The following FSTL5 variants were observed in gnomAD, a reference collection of about 807,000 sequenced individuals.
FSTL5 encodes follistatin-related protein 5.
Under a neutral mutation model 89.1 loss-of-function variants are expected in FSTL5, and 62 were observed. The ratio of observed to expected loss-of-function variants is 0.70; its 90% CI spans 0.57 to 0.86. The LOEUF (loss-of-function observed/expected upper bound fraction) is 0.86. Among genes scored for constraint, FSTL5 ranks in the 40% least tolerant of loss-of-function variants. The pLI is 0.00. For missense variants in FSTL5, 1,057 were observed against 1,001.6 expected, an observed-to-expected ratio of 1.06 and a Z score of -0.75; for synonymous variants, 383 against 346.2, an observed-to-expected ratio of 1.11 and a Z score of -1.18.
intron 2 of FSTL5, among the ~76,000 whole-genome samples, chr4:162,069,936 C>T (rs780596934): frequency 6.6e-6 from 1 of 151,742 alleles, no homozygotes; most frequent in Non-Finnish European, 1.5e-5. Context: ...TATCATATTC[C>T]TATACTAATT....
At chr4:161,929,608 C>T (rs1056974910) in intron 3 of FSTL5, among the ~76,000 whole-genome samples, 1 of 150,378 alleles carries the variant, frequency 6.6e-6, no homozygotes, top group African/African-American at 2.4e-5. Context: ...ATTACTGGAA[C>T]AATACACTCA....
intron 4 of FSTL5, among the ~76,000 whole-genome samples, chr4:161,883,383 G>A (rs1732697079): frequency 1.3e-5 from 2 of 152,060 alleles, no homozygotes; most frequent in East Asian, 1.9e-4. Context: ...TTATAATAAC[G>A]ATGTATAAAT....
At chr4:161,639,689 A>G (rs77735773) in intron 7 of FSTL5, among the ~76,000 whole-genome samples, 1,555 of 152,262 alleles carry the variant, frequency 0.01, 23 homozygotes, top group African/African-American at 0.035. Context: ...AATTTCAGCT[A>G]TATTGTCATA....
chr4:161,838,981 TA>T, intron 4 of FSTL5, among the ~76,000 whole-genome samples: 1 of 151,878 alleles, frequency 6.6e-6, no homozygotes, highest in African/African-American at 2.4e-5. Context: ...GGTCAAAAAA[TA>T]AAAGCAAAAT....
chr4:161,542,723 T>A, intron 8 of FSTL5, 30 bp from the exon 9 acceptor site: 3 of 1,348,368 alleles, frequency 2.2e-6, no homozygotes, highest in East Asian at 2.7e-5. Context: ...AGAAAGTGAA[T>A]TAGTGATTCA....
At chr4:162,044,649 C>T (rs1025860077) in intron 2 of FSTL5, among the ~76,000 whole-genome samples, 1 of 152,178 alleles carries the variant, frequency 6.6e-6, no homozygotes, top group Non-Finnish European at 1.5e-5. Context: ...TATTTGTTTT[C>T]ATAGGAGGTT....
intron 12 of FSTL5, 105 bp from the exon 13 acceptor site, chr4:161,481,274 T>G: frequency 1.4e-6 from 1 of 715,056 alleles, no homozygotes; most frequent in Non-Finnish European, 2.2e-6. Context: ...ACTTTCAGCA[T>G]CAAATGTTAA....
rs1481352054 is a variant in FSTL5 at position 161,646,171 on chromosome 4, TATATA to T, written c.894+10152_894+10156del. On this transcript the variant is annotated intron_variant, in intron 7 of 15. Coordinates refer to ENST00000306100, the MANE Select transcript of FSTL5 (RefSeq NM_020116.5). ...CTCATATATTTGTATATATAATATA[TATATA>T]ATATATCATATATAATGTATATCAT... Among the ~76,000 whole-genome samples, 59 of 148,132 alleles carry T rather than the reference TATATA, an allele frequency of 4.0e-4. 1 individual carries two copies. The East Asian group carries it at 0.01, about 26-fold the overall frequency.
chr4:161,685,303 T>A (rs1296098016), intron 6 of FSTL5, among the ~76,000 whole-genome samples: 2 of 152,194 alleles, frequency 1.3e-5, no homozygotes, highest in Non-Finnish European at 2.9e-5. Flanking sequence ...GGTATTTTGA[T>A]GTGAATTGCA....
At chr4:161,602,443 A>C (rs1734284778) in intron 7 of FSTL5, among the ~76,000 whole-genome samples, 1 of 152,178 alleles carries the variant, frequency 6.6e-6, no homozygotes, top group Non-Finnish European at 1.5e-5. Context: ...CAGGGTATCC[A>C]AAAGAAATCA....
intron 3 of FSTL5, among the ~76,000 whole-genome samples, chr4:161,986,217 A>G (rs976445071): frequency 6.6e-6 from 1 of 152,168 alleles, no homozygotes; most frequent in African/African-American, 2.4e-5. Context: ...TACTCACTGA[A>G]GAACATGGTA....
chr4:161,674,812 A>C (rs550841077), intron 6 of FSTL5, among the ~76,000 whole-genome samples: 103 of 152,310 alleles, frequency 6.8e-4, no homozygotes, highest in African/African-American at 2.3e-3. Context: ...TTTTCAGTCA[A>C]GACATACCCT....
At position 161,656,360 on chromosome 4, in the gene FSTL5, T is replaced by A. The variant is rs1411380173; in HGVS notation, c.862A>T (p.Ile288Phe). 2 of 1,597,316 alleles carry A rather than the reference T, an allele frequency of 1.3e-6. No individual in the cohort carries two copies. ...TCTTCCAAATCTAAATTATTTAGAA[T>A]AATATTGTTCCTTTTCCAGATAATG... ...PPIIWKRNNI[I>F]LNNLDLEDIN... is the part of the protein sequence containing the mutation. Residue 288 changes from isoleucine (I) to phenylalanine (F), a missense_variant, in exon 7 of 16, where the codon ATT becomes TTT. Transcript: ENST00000306100.
intron 3 of FSTL5, among the ~76,000 whole-genome samples, chr4:161,983,516 A>T (rs151036534): frequency 9.3e-4 from 142 of 152,326 alleles, no homozygotes; most frequent in Middle Eastern, 3.4e-3. Flanking sequence ...ACTTTGAAGT[A>T]TAAATTAGAG....
intron 7 of FSTL5, among the ~76,000 whole-genome samples, chr4:161,653,443 G>T (rs539816920): frequency 6.6e-6 from 1 of 152,034 alleles, no homozygotes; most frequent in Non-Finnish European, 1.5e-5. Context: ...CCTTATTTAC[G>T]TATCTGCTCC....
chr4:161,868,196 G>T (rs1732153035), intron 4 of FSTL5, among the ~76,000 whole-genome samples: 1 of 152,098 alleles, frequency 6.6e-6, no homozygotes, highest in Non-Finnish European at 1.5e-5. Context: ...AAATGAAATA[G>T]AAATACTTGT....
At chr4:161,558,716 A>G (rs1732480744) in intron 8 of FSTL5, among the ~76,000 whole-genome samples, 1 of 151,812 alleles carries the variant, frequency 6.6e-6, no homozygotes, top group African/African-American at 2.4e-5. Context: ...TCATCTCTCA[A>G]TATGCCACCT....
chr4:161,583,630 A>G (rs921196182), intron 8 of FSTL5, among the ~76,000 whole-genome samples: 1 of 152,112 alleles, frequency 6.6e-6, no homozygotes, highest in Non-Finnish European at 1.5e-5. Context: ...GTGTTATTTT[A>G]TACCTTATTT....
intron 3 of FSTL5, among the ~76,000 whole-genome samples, chr4:161,995,907 T>C (rs1162306048): frequency 6.6e-6 from 1 of 152,052 alleles, no homozygotes; most frequent in Non-Finnish European, 1.5e-5. Context: ...TAAATCTTGT[T>C]ACTCTCCAGA....
Sources: gnomAD v4.1 joint callset for allele counts (sites outside exome capture counted in the v4.1 genomes callset) on GRCh38, gnomAD v4.1.1 for gene constraint, MANE v1.5 for transcripts, NCBI Gene and HGNC (gene_info 2026-07-23, HGNC 2026-07-21) for gene names.